Variants in SORCS3 observed in about 807,000 individuals in gnomAD.
SORCS3 encodes the protein VPS10 domain-containing receptor SorCS3.
A neutral mutation model predicts 146.3 loss-of-function variants in SORCS3; 57 were observed. That is an observed-to-expected ratio of 0.39 (90% confidence interval 0.31 to 0.49). The LOEUF is 0.49. SORCS3 is among the 20% of genes least tolerant of loss of function. SORCS3 has a pLI of 0.92. For missense variants in SORCS3, 1,341 were observed against 1,575.5 expected (o/e 0.85, Z 2.52); for synonymous variants, 653 against 618.5 (o/e 1.06, Z -0.83).
intron 20 of SORCS3, among the ~76,000 whole-genome samples, chr10:105,226,446 G>C (rs981010667): frequency 6.6e-6 from 1 of 151,878 alleles, no homozygotes; most frequent in Admixed American, 6.6e-5. Flanking sequence ...CGTGCTGTTG[G>C]ATTCAGTTTG....
intron 8 of SORCS3, among the ~76,000 whole-genome samples, chr10:105,141,801 A>G (rs2056097171): frequency 1.3e-5 from 2 of 152,220 alleles, no homozygotes; most frequent in South Asian, 4.1e-4. Flanking sequence ...CAGGTAACCT[A>G]GGGAAAAGAC....
intron 1 of SORCS3, among the ~76,000 whole-genome samples, chr10:104,801,760 C>T (rs1425815195): frequency 6.6e-6 from 1 of 152,110 alleles, no homozygotes; most frequent in African/African-American, 2.4e-5. Flanking sequence ...AATTCTTACA[C>T]CAAAATCTTA....
intron 1 of SORCS3, among the ~76,000 whole-genome samples, chr10:104,730,917 T>C (rs2016698968): frequency 1.3e-5 from 2 of 152,218 alleles, no homozygotes; most frequent in Admixed American, 1.3e-4. Context: ...TTATTACAAT[T>C]CAAGGTGAGG....
chr10:105,060,710 A>G (rs2055479920), intron 5 of SORCS3, among the ~76,000 whole-genome samples: 1 of 152,134 alleles, frequency 6.6e-6, no homozygotes, highest in Non-Finnish European at 1.5e-5. Flanking sequence ...ATGCTGAGGC[A>G]GGCGGATCAC....
rs114485863 is a variant in SORCS3 at position 104,686,846 on chromosome 10, C to T, written c.627+44892C>T. On this transcript the variant is annotated intron_variant, in intron 1 of 26. Transcript: ENST00000369701. Reference sequence around the variant, plus strand: ...CTGTTTGTCCATGTATCCATTCATTCATCCACCTACCCATCCATGCATCCA... The same window carrying T: ...CTGTTTGTCCATGTATCCATTCATTTATCCACCTACCCATCCATGCATCCA... Among the ~76,000 whole-genome samples, 301 of 152,300 alleles carry T rather than the reference C, an allele frequency of 2.0e-3. 1 individual carries two copies. Among genetic ancestry groups the T allele is most frequent in the African/African-American group, 6.9e-3 (288 of 41,574 alleles).
At chr10:104,960,158 T>A (rs58522523) in intron 3 of SORCS3, among the ~76,000 whole-genome samples, 9,009 of 152,250 alleles carry the variant, frequency 0.059, 260 homozygotes, top group African/African-American at 0.074. Flanking sequence ...CTGATGTTGT[T>A]ACCAATGCTG....
At chr10:104,789,833 C>G (rs1564684219) in intron 1 of SORCS3, among the ~76,000 whole-genome samples, 1 of 152,192 alleles carries the variant, frequency 6.6e-6, no homozygotes, top group Non-Finnish European at 1.5e-5. Context: ...GAACCTCTGG[C>G]TGTGTGATCC....
intron 13 of SORCS3, among the ~76,000 whole-genome samples, chr10:105,174,360 C>T (rs1039892805): frequency 6.6e-6 from 1 of 151,988 alleles, no homozygotes; most frequent in South Asian, 2.1e-4. Flanking sequence ...AAGGTACATC[C>T]CTTGGGGATA....
chr10:104,722,278 G>A (rs900746446), intron 1 of SORCS3, among the ~76,000 whole-genome samples: 3 of 152,126 alleles, frequency 2.0e-5, no homozygotes, highest in African/African-American at 2.4e-5. Flanking sequence ...GCTGGATTAT[G>A]TTTATTGATT....
intron 4 of SORCS3, among the ~76,000 whole-genome samples, chr10:105,022,179 A>G: frequency 6.6e-6 from 1 of 152,186 alleles, no homozygotes; most frequent in Non-Finnish European, 1.5e-5. Context: ...GTGAACCCTA[A>G]TGCAAACTAT....
chr10:104,676,526 T>A (rs1328278096), intron 1 of SORCS3, among the ~76,000 whole-genome samples: 1 of 152,168 alleles, frequency 6.6e-6, no homozygotes, highest in Non-Finnish European at 1.5e-5. Context: ...AATAGGAGAA[T>A]AAAAGAATTT....
chr10:105,120,920 A>C (rs147544474), intron 7 of SORCS3, among the ~76,000 whole-genome samples: 24 of 152,266 alleles, frequency 1.6e-4, no homozygotes, highest in African/African-American at 5.8e-4. Flanking sequence ...ATGAGAAGTA[A>C]GGGTGGTGGT....
In SORCS3 at chr10:104,969,014, G is replaced by C. The variant is rs529253000; in HGVS notation, c.796-8321G>C. On this transcript the variant is annotated intron_variant, in intron 3 of 26. Coordinates refer to ENST00000369701, the MANE Select transcript of SORCS3 (RefSeq NM_014978.3). ...ACAGGCATTGGGATTTGAAATCCAT[G>C]TGTAACAAGAAAAATTTGGGTGGAC... 4.8e-4 allele frequency among the ~76,000 whole-genome samples: 73 copies of C among 152,334 alleles called. 1 individual carries two copies. Among genetic ancestry groups the C allele is most frequent in the African/African-American group, 1.7e-3 (72 of 41,580 alleles).
intron 5 of SORCS3, among the ~76,000 whole-genome samples, chr10:105,075,385 T>C (rs187960148): frequency 6.6e-6 from 1 of 152,150 alleles, no homozygotes; most frequent in African/African-American, 2.4e-5. Context: ...GTGAACATGC[T>C]CTGTGAAATA....
chr10:105,037,140 G>A (rs1368915591), intron 4 of SORCS3, among the ~76,000 whole-genome samples: 1 of 152,090 alleles, frequency 6.6e-6, no homozygotes, highest in African/African-American at 2.4e-5. Context: ...TGGGGGTGGA[G>A]GCATGATGAA....
intron 1 of SORCS3, among the ~76,000 whole-genome samples, chr10:104,706,692 T>C (rs548061288): frequency 1.3e-5 from 2 of 152,306 alleles, no homozygotes; most frequent in African/African-American, 4.8e-5. Context: ...TGGATAAATT[T>C]ACCTTACCTA....
chr10:104,909,350 T>C (rs1460508681), intron 2 of SORCS3, among the ~76,000 whole-genome samples: 1 of 152,064 alleles, frequency 6.6e-6, no homozygotes, highest in East Asian at 1.9e-4. Context: ...TTGATAAATA[T>C]ATGCAAAGGA....
chr10:105,215,863 CTT>C, intron 18 of SORCS3, among the ~76,000 whole-genome samples: 1 of 151,798 alleles, frequency 6.6e-6, no homozygotes, highest in East Asian at 1.9e-4. Context: ...GTATTTCTCT[CTT>C]TATTCTATCA....
At chr10:105,187,378 A>T (rs1175543080) in intron 14 of SORCS3, among the ~76,000 whole-genome samples, 1 of 152,192 alleles carries the variant, frequency 6.6e-6, no homozygotes, top group Non-Finnish European at 1.5e-5. Flanking sequence ...GCCTTCGCTC[A>T]GTGCAATTCG....
Sources: gnomAD v4.1 joint callset for allele counts (sites outside exome capture counted in the v4.1 genomes callset) on GRCh38, gnomAD v4.1.1 for gene constraint, MANE v1.5 for transcripts, NCBI Gene and HGNC (gene_info 2026-07-23, HGNC 2026-07-21) for gene names.